Variants in MTSS1 observed in about 807,000 individuals in gnomAD.
MTSS1 encodes the protein protein MTSS 1.
MTSS1 carries 18 observed loss-of-function variants against 79.0 expected under a neutral mutation model. The ratio of observed to expected loss-of-function variants is 0.23; its 90% CI spans 0.16 to 0.34. The LOEUF (loss-of-function observed/expected upper bound fraction) is 0.34, where lower values mean the gene tolerates loss of function less well. Ranked by LOEUF, MTSS1 falls within the 10% of genes least tolerant of loss-of-function variation. The probability of loss-of-function intolerance (pLI) is 1.00; values close to 1 mark genes in which losing one functional copy is unlikely to be tolerated. For missense variants in MTSS1, 815 were observed against 986.2 expected, an observed-to-expected ratio of 0.83 and a Z score of 2.33; for synonymous variants, 341 against 368.6, an observed-to-expected ratio of 0.93 and a Z score of 0.86.
At chr8:124,629,917 G>T (rs777190972) in intron 3 of MTSS1, among the ~76,000 whole-genome samples, 1 of 152,178 alleles carries the variant, frequency 6.6e-6, no homozygotes, top group African/African-American at 2.4e-5. Flanking sequence ...CTTAAATGGA[G>T]CTACTGCCCA....
chr8:124,572,162 T>C (rs1285740987), intron 6 of MTSS1, among the ~76,000 whole-genome samples: 2 of 152,160 alleles, frequency 1.3e-5, no homozygotes, highest in Admixed American at 1.3e-4. Context: ...TTGGAAAATA[T>C]AAATTTAAGT....
intron 1 of MTSS1, among the ~76,000 whole-genome samples, chr8:124,723,080 T>C (rs1325400957): frequency 6.6e-6 from 1 of 152,220 alleles, no homozygotes; most frequent in African/African-American, 2.4e-5. Flanking sequence ...TTAGCTTTTT[T>C]CCTTTTCCCT....
chr8:124,659,225 T>C (rs1301530715), intron 3 of MTSS1, among the ~76,000 whole-genome samples: 1 of 152,200 alleles, frequency 6.6e-6, no homozygotes, highest in African/African-American at 2.4e-5. Flanking sequence ...CCTTCTGCCC[T>C]GTTTAGAAGA....
intron 3 of MTSS1, among the ~76,000 whole-genome samples, chr8:124,598,832 G>A (rs1004487261): frequency 2.0e-5 from 3 of 152,244 alleles, no homozygotes; most frequent in African/African-American, 4.8e-5. Context: ...ATAACTAGGA[G>A]AGGGAGCCTG....
In MTSS1 at chr8:124,687,283, C is replaced by G. The variant is rs548265338; in HGVS notation, c.208+12243G>C. On this transcript the variant is annotated intron_variant, in intron 3 of 13. Transcript: ENST00000518547. ...ATCTCCCACACAGACATACTGTAGT[C>G]AGTGACCGGTAGGACCACCTGGACC... Among the ~76,000 whole-genome samples, 9 of 152,284 alleles carry G rather than the reference C, an allele frequency of 5.9e-5. No individual in the cohort carries two copies. The South Asian group carries it at 1.9e-3, about 32-fold the overall frequency.
intron 3 of MTSS1, among the ~76,000 whole-genome samples, chr8:124,618,972 T>C (rs922233064): frequency 2.0e-5 from 3 of 152,246 alleles, no homozygotes; most frequent in African/African-American, 7.2e-5. Context: ...AGATGTTTAC[T>C]AAGTTTGCCT....
At chr8:124,680,642 T>C (rs1421018110) in intron 3 of MTSS1, among the ~76,000 whole-genome samples, 1 of 152,240 alleles carries the variant, frequency 6.6e-6, no homozygotes, top group East Asian at 1.9e-4. Flanking sequence ...ATTAAATACT[T>C]CCATGATAGT....
intron 3 of MTSS1, among the ~76,000 whole-genome samples, chr8:124,598,516 G>T (rs1464740131): frequency 6.6e-6 from 1 of 152,108 alleles, no homozygotes; most frequent in Non-Finnish European, 1.5e-5. Context: ...TGCTGTTCCA[G>T]GGAAGCCACC....
At chr8:124,718,241 C>T (rs1334023219) in intron 1 of MTSS1, among the ~76,000 whole-genome samples, 2 of 146,780 alleles carry the variant, frequency 1.4e-5, no homozygotes, top group South Asian at 2.2e-4. Context: ...TCATGAAATG[C>T]TCTCAAAACA....
chr8:124,612,153 C>T (rs1028296217), intron 3 of MTSS1, among the ~76,000 whole-genome samples: 1 of 152,150 alleles, frequency 6.6e-6, no homozygotes, highest in Non-Finnish European at 1.5e-5. Context: ...ACAGGGGTGA[C>T]ATTGGACCAC....
chr8:124,587,117 C>CA (rs1830995558), intron 5 of MTSS1, among the ~76,000 whole-genome samples: 1 of 152,182 alleles, frequency 6.6e-6, no homozygotes. Flanking sequence ...CTCACACAGA[C>CA]AGAGGGTGAG....
chr8:124,660,751 C>A (rs1821887854), intron 3 of MTSS1, among the ~76,000 whole-genome samples: 1 of 152,206 alleles, frequency 6.6e-6, no homozygotes, highest in African/African-American at 2.4e-5. Context: ...TGTGGTACAG[C>A]TTTCATGCTA....
chr8:124,557,894 AGGGG>A lies in MTSS1; in HGVS notation c.1036-23_1036-20del. 6.7e-7 allele frequency: 1 copy of A among 1,490,848 alleles called. No homozygotes were observed. Among genetic ancestry groups the A allele is most frequent in the South Asian group, 1.2e-5 (1 of 82,392 alleles). The allele number at this position is 1,490,848 out of a possible 1,614,324, so 92.4% of individuals were successfully genotyped here. On this transcript the variant is annotated intron_variant, in intron 10 of 13. Coordinates refer to ENST00000518547, the MANE Select transcript of MTSS1 (RefSeq NM_014751.6). ...TAGACAACTGGAAACAAACAAAAAA[AGGGG>A]GGGGGAAGGAAAAAAAATTAATATA...
Position 124,683,475 on chromosome 8 carries a change from G to A in MTSS1, c.208+16051C>T, listed in dbSNP as rs967576987. 2.0e-5 allele frequency among the ~76,000 whole-genome samples: 3 copies of A among 152,180 alleles called. No homozygotes were observed. Among genetic ancestry groups the A allele is most frequent in the Non-Finnish European group, 2.9e-5 (2 of 68,036 alleles). ...CAAACCTAGTAGGGAATTTCCAAGAGTGCCAGCTTCTCTGACACCCTGGAA... is the reference window on the plus strand; with the variant it reads ...CAAACCTAGTAGGGAATTTCCAAGAATGCCAGCTTCTCTGACACCCTGGAA... On this transcript the variant is annotated intron_variant, in intron 3 of 13. Coordinates refer to ENST00000518547, the MANE Select transcript of MTSS1 (RefSeq NM_014751.6). This position sits in a 1 kb window ranked among gnomAD's most constrained non-coding sequence, Gnocchi z 4.5.
Position 124,727,073 on chromosome 8 carries a change from T to G in MTSS1, c.72+811A>C, listed in dbSNP as rs1833813254. 6.6e-6 allele frequency among the ~76,000 whole-genome samples: 1 copy of G among 151,786 alleles called. No individual in the cohort carries two copies. The highest frequency in any genetic ancestry group is 6.6e-5 in the Admixed American group (1 of 15,250). Reference sequence around the variant, plus strand: ...TTGCAGGAAAAAACCAGGGTGTTGTTCCCCGCCCCCACGCGCGCGCGCGCA... The same window carrying G: ...TTGCAGGAAAAAACCAGGGTGTTGTGCCCCGCCCCCACGCGCGCGCGCGCA... On this transcript the variant is annotated intron_variant, in intron 1 of 13. Transcript: ENST00000518547. This position sits in a 1 kb window ranked among gnomAD's most constrained non-coding sequence, Gnocchi z 4.7.
At chr8:124,704,630 A>G (rs943591809) in intron 1 of MTSS1, among the ~76,000 whole-genome samples, 3 of 152,216 alleles carry the variant, frequency 2.0e-5, no homozygotes, top group Admixed American at 6.5e-5. Context: ...AGCATTAATT[A>G]GACTATCAGA....
chr8:124,707,181 T>A (rs1383384474), intron 1 of MTSS1, among the ~76,000 whole-genome samples: 1 of 151,946 alleles, frequency 6.6e-6, no homozygotes, highest in Non-Finnish European at 1.5e-5. Flanking sequence ...CAGACCCTCC[T>A]CTCCCAAACA....
intron 3 of MTSS1, among the ~76,000 whole-genome samples, chr8:124,643,783 T>C (rs1818509786): frequency 6.6e-6 from 1 of 151,480 alleles, no homozygotes. Flanking sequence ...TAAAATAGTA[T>C]GTACCCATTG....
intron 3 of MTSS1, among the ~76,000 whole-genome samples, chr8:124,697,887 G>T (rs902100387): frequency 1.3e-5 from 2 of 152,180 alleles, no homozygotes; most frequent in African/African-American, 4.8e-5. Flanking sequence ...TTCTCCAAGG[G>T]AATGCTGTAA....
Sources: allele counts gnomAD v4.1 joint callset (sites outside exome capture counted in the v4.1 genomes callset), GRCh38; gene constraint gnomAD v4.1.1; non-coding constraint Gnocchi (gnomAD v3.1); transcripts MANE v1.5; gene names NCBI Gene and HGNC (gene_info 2026-07-23, HGNC 2026-07-21).